CNTN5: variants seen among roughly 807,000 people sequenced by gnomAD.
CNTN5 encodes contactin 5.
Under a neutral mutation model 129.1 loss-of-function variants are expected in CNTN5, and 77 were observed. The observed-to-expected ratio is 0.60, with a 90% CI of 0.50 to 0.72. The LOEUF is 0.72. Ranked by LOEUF, CNTN5 falls within the 30% of genes least tolerant of loss-of-function variation. The pLI, the probability that CNTN5 is intolerant of heterozygous loss-of-function variation, is 0.00. For synonymous variants in CNTN5, 509 were observed against 465.6 expected (o/e 1.09, Z -1.20); for missense variants, 1,478 against 1,328.8 (o/e 1.11, Z -1.75).
intron 2 of CNTN5, among the ~76,000 whole-genome samples, chr11:99,494,444 A>G (rs887441291): frequency 7.2e-5 from 11 of 152,214 alleles, no homozygotes; most frequent in Non-Finnish European, 1.0e-4. Context: ...TTATTGGGAT[A>G]AATAATTGCT....
intron 6 of CNTN5, among the ~76,000 whole-genome samples, chr11:99,845,523 C>T (rs945732239): frequency 2.6e-5 from 4 of 151,446 alleles, no homozygotes; most frequent in Non-Finnish European, 5.9e-5. Context: ...CAGGCGCCCG[C>T]CACTACGCCC....
intron 15 of CNTN5, among the ~76,000 whole-genome samples, chr11:100,211,410 C>A (rs1795981875): frequency 6.6e-6 from 1 of 151,802 alleles, no homozygotes; most frequent in African/African-American, 2.4e-5. Context: ...CAAATGAAGA[C>A]CAACGGAATT....
intron 13 of CNTN5, among the ~76,000 whole-genome samples, chr11:100,082,119 G>A (rs1389813414): frequency 7.8e-6 from 1 of 127,634 alleles, no homozygotes; most frequent in Non-Finnish European, 1.6e-5. Context: ...CAAAAAAATT[G>A]TGTGTGTATG....
At chr11:100,030,149 A>G (rs1941632618) in intron 9 of CNTN5, among the ~76,000 whole-genome samples, 1 of 152,094 alleles carries the variant, frequency 6.6e-6, no homozygotes, top group Non-Finnish European at 1.5e-5. Context: ...CTGCAGTAGG[A>G]GAATCACTTG....
At chr11:99,575,273 A>G (rs79920454) in intron 3 of CNTN5, among the ~76,000 whole-genome samples, 6,347 of 152,280 alleles carry the variant, frequency 0.042, 170 homozygotes, top group South Asian at 0.087. Context: ...AAGAAAGTTA[A>G]GAGAAGTGAA....
chr11:99,126,083 G>A (rs11218491), intron 1 of CNTN5, among the ~76,000 whole-genome samples: 36,309 of 152,006 alleles, frequency 0.24, 4,647 homozygotes, highest in Middle Eastern at 0.3. Context: ...CCAGGGCTGC[G>A]ATTTTGGGGA....
chr11:100,127,833 A>C (rs1006287427), intron 13 of CNTN5, among the ~76,000 whole-genome samples: 1 of 150,756 alleles, frequency 6.6e-6, no homozygotes, highest in Non-Finnish European at 1.5e-5. Context: ...TAATTTTTTT[A>C]TATTTTTAGT....
At chr11:99,462,657 A>G (rs1005601963) in intron 2 of CNTN5, among the ~76,000 whole-genome samples, 14 of 152,220 alleles carry the variant, frequency 9.2e-5, no homozygotes, top group Non-Finnish European at 1.8e-4. Flanking sequence ...AGAGTCCGGT[A>G]GTACTGAATA....
intron 3 of CNTN5, among the ~76,000 whole-genome samples, chr11:99,629,683 T>C (rs200078620): frequency 4.0e-5 from 1 of 24,754 alleles, no homozygotes; most frequent in African/African-American, 8.2e-5. Context: ...TTCTTACTAC[T>C]CGATGTTTAT....
rs1217367117 is a variant in CNTN5 at position 99,169,295 on chromosome 11, C to A, written c.-210+148025C>A. Among the ~76,000 whole-genome samples, 4 of 151,762 alleles carry A rather than the reference C, an allele frequency of 2.6e-5. No homozygotes were observed. In the East Asian group the frequency reaches 7.7e-4, roughly 29 times the overall value. On this transcript the variant is annotated intron_variant, in intron 1 of 24. Transcript: ENST00000524871. ...AGTAGTTGTAAATAATCTAGAGGTC[C>A]TGGAATTCCTGTGCTATTTTATAGT... is the stretch of plus-strand genomic sequence containing the variant.
intron 16 of CNTN5, among the ~76,000 whole-genome samples, chr11:100,230,620 T>G (rs1166050145): frequency 6.6e-6 from 1 of 152,168 alleles, no homozygotes; most frequent in Non-Finnish European, 1.5e-5. Flanking sequence ...AAATATGAAA[T>G]GAGCAAACAG....
chr11:99,841,023 C>T (rs76683690), intron 4 of CNTN5, among the ~76,000 whole-genome samples: 4,876 of 152,164 alleles, frequency 0.032, 220 homozygotes, highest in East Asian at 0.16. Flanking sequence ...CTTTTCCCCC[C>T]CTTAACATGA....
intron 2 of CNTN5, among the ~76,000 whole-genome samples, chr11:99,332,507 G>A (rs1185569252): frequency 6.6e-6 from 1 of 152,012 alleles, no homozygotes; most frequent in Non-Finnish European, 1.5e-5. Flanking sequence ...AGTTGATATG[G>A]CTGATAGTCA....
At chr11:99,712,960 G>T (rs1374027700) in intron 3 of CNTN5, among the ~76,000 whole-genome samples, 2 of 151,956 alleles carry the variant, frequency 1.3e-5, no homozygotes, top group Non-Finnish European at 2.9e-5. Context: ...TGGCTAGGTG[G>T]GCTCTTTTTT....
chr11:99,836,636 A>G (rs548230155), intron 4 of CNTN5, among the ~76,000 whole-genome samples: 78 of 152,150 alleles, frequency 5.1e-4, no homozygotes, highest in Non-Finnish European at 9.6e-4. Flanking sequence ...AGCATGATTT[A>G]TAATCCTTTG....
Position 99,325,254 on chromosome 11 carries a change from T to C in CNTN5, c.-209-92T>C, listed in dbSNP as rs190935999. 2.4e-4 allele frequency: 36 copies of C among 151,966 alleles called. 1 individual carries two copies. The highest frequency in any genetic ancestry group is 2.3e-3 in the Admixed American group (35 of 15,250). 9.4% of individuals were successfully genotyped at this position (151,966 alleles called of 1,614,324 possible). On this transcript the variant is annotated intron_variant, in intron 1 of 24. Coordinates refer to ENST00000524871, the MANE Select transcript of CNTN5 (RefSeq NM_014361.4). Reference sequence around the variant, plus strand: ...TGTATAACTAAATAGAACATTGATCTAAAATATTTAATAAGATGCATGGGT... The same window carrying C: ...TGTATAACTAAATAGAACATTGATCCAAAATATTTAATAAGATGCATGGGT...
intron 3 of CNTN5, among the ~76,000 whole-genome samples, chr11:99,646,128 G>A (rs1210112058): frequency 1.3e-5 from 2 of 152,072 alleles, no homozygotes; most frequent in African/African-American, 2.4e-5. Context: ...GCCAGGAGCT[G>A]GAGTTATTTG....
chr11:99,293,994 G>A (rs1864280337), intron 1 of CNTN5, among the ~76,000 whole-genome samples: 1 of 150,990 alleles, frequency 6.6e-6, no homozygotes, highest in African/African-American at 2.4e-5. Context: ...GTTTTTTGAT[G>A]AGCATTGTTA....
chr11:99,359,370 A>G (rs920884180), intron 2 of CNTN5, among the ~76,000 whole-genome samples: 4 of 151,930 alleles, frequency 2.6e-5, no homozygotes, highest in African/African-American at 9.7e-5. Context: ...TCATGACCGA[A>G]TCACCTCTCA....
Sources: allele counts gnomAD v4.1 joint callset (sites outside exome capture counted in the v4.1 genomes callset), GRCh38; gene constraint gnomAD v4.1.1; transcripts MANE v1.5; gene names NCBI Gene and HGNC (gene_info 2026-07-23, HGNC 2026-07-21).